Variants in ZBTB20 observed in about 807,000 individuals in gnomAD.
ZBTB20 encodes zinc finger and BTB domain containing 20.
A neutral mutation model predicts 56.9 loss-of-function variants in ZBTB20; 9 were observed. That is an observed-to-expected ratio of 0.16 (90% confidence interval 0.10 to 0.28). ZBTB20 has a LOEUF of 0.28. ZBTB20 is among the 10% of genes least tolerant of loss of function. ZBTB20 has a pLI of 1.00. For missense variants in ZBTB20, 655 were observed against 1,003.0 expected, an observed-to-expected ratio of 0.65 and a Z score of 4.69; for synonymous variants, 417 against 420.7, an observed-to-expected ratio of 0.99 and a Z score of 0.11.
intron 6 of ZBTB20, among the ~76,000 whole-genome samples, chr3:114,577,072 G>C (rs2107441650): frequency 6.6e-6 from 1 of 152,110 alleles, no homozygotes; most frequent in East Asian, 1.9e-4. Flanking sequence ...TTTCCTACTG[G>C]TGTATTTATT....
chr3:114,755,889 C>G (rs551589241), intron 5 of ZBTB20, among the ~76,000 whole-genome samples: 1 of 152,226 alleles, frequency 6.6e-6, no homozygotes, highest in East Asian at 1.9e-4. Context: ...AAATTATTTT[C>G]TTATGCTTAT....
At chr3:114,353,400 A>G (rs1442873791) in intron 10 of ZBTB20, among the ~76,000 whole-genome samples, 1 of 152,192 alleles carries the variant, frequency 6.6e-6, no homozygotes, top group Non-Finnish European at 1.5e-5. Flanking sequence ...TCACCCTCAC[A>G]TGGTATGAGC....
intron 6 of ZBTB20, chr3:114,519,741 A>G (rs1016919088): frequency 2.6e-5 from 4 of 152,240 alleles, no homozygotes; most frequent in Admixed American, 1.3e-4. Flanking sequence ...GTAAGACACG[A>G]GAAAGAAAGT....
intron 7 of ZBTB20, among the ~76,000 whole-genome samples, chr3:114,397,600 A>G (rs2086447539): frequency 6.6e-6 from 1 of 150,866 alleles, no homozygotes; most frequent in Non-Finnish European, 1.5e-5. Flanking sequence ...CCCGCATTCA[A>G]CTCCTGCCCT....
chr3:114,422,018 G>A (rs1467261090), intron 7 of ZBTB20, among the ~76,000 whole-genome samples: 1 of 152,076 alleles, frequency 6.6e-6, no homozygotes, highest in East Asian at 1.9e-4. Flanking sequence ...GTATAGCTCT[G>A]TTCCATGACT....
In ZBTB20 at chr3:114,448,178, G is replaced by A. The variant is rs144906253; in HGVS notation, c.-255+52174C>T. On this transcript the variant is annotated intron_variant, in intron 7 of 11. Coordinates refer to ENST00000675478, the MANE Select transcript of ZBTB20 (RefSeq NM_001348800.3). The stretch of plus-strand genomic sequence containing the variant: ...GGATCAGCTCTTCTGGCCTCTCCCC[G>A]GCTGCACAGTATTGTTGTGGCATTG... 5.9e-3 allele frequency among the ~76,000 whole-genome samples: 892 copies of A among 152,124 alleles called. 14 individuals are homozygous for A. The highest frequency in any genetic ancestry group is 0.02 in the African/African-American group (841 of 41,502).
intron 6 of ZBTB20, among the ~76,000 whole-genome samples, chr3:114,580,226 A>T (rs1040852194): frequency 4.0e-5 from 6 of 151,700 alleles, no homozygotes; most frequent in Non-Finnish European, 7.4e-5. Context: ...TTAATATCTT[A>T]TAAAATATTA....
chr3:114,833,489 A>T (rs2073961123), intron 4 of ZBTB20, among the ~76,000 whole-genome samples: 1 of 152,026 alleles, frequency 6.6e-6, no homozygotes, highest in Non-Finnish European at 1.5e-5. Context: ...CTTATCCCAG[A>T]AACTCTTCCA....
chr3:114,898,993 A>C (rs942152709), intron 4 of ZBTB20, among the ~76,000 whole-genome samples: 10 of 152,126 alleles, frequency 6.6e-5, no homozygotes, highest in African/African-American at 2.4e-4. Flanking sequence ...TAAAATATAC[A>C]ATCTATAATA....
At chr3:114,733,283 A>G (rs74683490) in intron 5 of ZBTB20, among the ~76,000 whole-genome samples, 3,789 of 152,244 alleles carry the variant, frequency 0.025, 69 homozygotes, top group Non-Finnish European at 0.039. Context: ...GACTTTCATA[A>G]CAGGTAGTTC....
Position 114,330,998 on chromosome 3 carries a change from G to A in ZBTB20, c.*8007C>T, listed in dbSNP as rs1418912330. On this transcript the variant is annotated 3_prime_UTR_variant, in exon 12 of 12. Transcript: ENST00000675478. Reference sequence around the variant, plus strand: ...ATGGTAAACAACCCACTCCTGGAAAGACTTTGGCAAAGGCCACATTGGTTT... The same window carrying A: ...ATGGTAAACAACCCACTCCTGGAAAAACTTTGGCAAAGGCCACATTGGTTT... 1 of 152,252 alleles carries A rather than the reference G, an allele frequency of 6.6e-6. No individual in the cohort carries two copies. The highest frequency in any genetic ancestry group is 1.5e-5 in the Non-Finnish European group (1 of 68,066). 9.4% of individuals were successfully genotyped at this position (152,252 alleles called of 1,614,324 possible).
chr3:114,941,102 G>A (rs2076709358), intron 3 of ZBTB20, among the ~76,000 whole-genome samples: 1 of 146,298 alleles, frequency 6.8e-6, no homozygotes, highest in Admixed American at 6.6e-5. Context: ...TTTATCACCT[G>A]GAAAACTAGA....
intron 6 of ZBTB20, among the ~76,000 whole-genome samples, chr3:114,644,343 A>C (rs1380633820): frequency 1.3e-5 from 2 of 152,132 alleles, no homozygotes; most frequent in African/African-American, 4.8e-5. Flanking sequence ...AACTTTAGAG[A>C]GAAGAACAAA....
At chr3:114,379,165 G>T (rs1021797676) in intron 10 of ZBTB20, 1 of 152,120 alleles carries the variant, frequency 6.6e-6, no homozygotes, top group African/African-American at 2.4e-5. Context: ...AACAATAAAA[G>T]ATTTAGAATC....
intron 4 of ZBTB20, among the ~76,000 whole-genome samples, chr3:114,897,667 T>G (rs918787265): frequency 6.6e-6 from 1 of 152,100 alleles, no homozygotes; most frequent in Admixed American, 6.6e-5. Context: ...AACAGAGAGA[T>G]AGAGTTCAAT....
intron 6 of ZBTB20, among the ~76,000 whole-genome samples, chr3:114,578,435 A>C (rs1577711523): frequency 6.6e-6 from 1 of 152,028 alleles, no homozygotes; most frequent in East Asian, 1.9e-4. Flanking sequence ...GAATTTTCCA[A>C]AACTGGAGTC....
chr3:114,813,687 G>A (rs1422395389), intron 4 of ZBTB20, among the ~76,000 whole-genome samples: 1 of 152,174 alleles, frequency 6.6e-6, no homozygotes, highest in African/African-American at 2.4e-5. Context: ...GGAGGCGGAG[G>A]TTGCAGTGAG....
rs1328590840 is a variant in ZBTB20, at chr3:114,671,886, C to G, written c.-295+21642G>C. 2.0e-5 allele frequency among the ~76,000 whole-genome samples: 3 copies of G among 152,078 alleles called. No homozygotes were observed. In the East Asian group the frequency reaches 5.8e-4, roughly 29 times the overall value. On this transcript the variant is annotated intron_variant, in intron 6 of 11. Coordinates refer to ENST00000675478, the MANE Select transcript of ZBTB20 (RefSeq NM_001348800.3). Reference sequence around the variant, plus strand: ...CCTACTGAAAACTGTGCTGAGTTTACACAGAGTGTGGGAATTTTTACCACC... The same window carrying G: ...CCTACTGAAAACTGTGCTGAGTTTAGACAGAGTGTGGGAATTTTTACCACC...
At chr3:114,514,966 A>G (rs1168351402) in intron 6 of ZBTB20, among the ~76,000 whole-genome samples, 2 of 152,110 alleles carry the variant, frequency 1.3e-5, no homozygotes, top group East Asian at 1.9e-4. Context: ...CTACTCTTAC[A>G]TTCTTTTCCT....
Sources: gnomAD v4.1 joint callset for allele counts (sites outside exome capture counted in the v4.1 genomes callset) on GRCh38, gnomAD v4.1.1 for gene constraint, MANE v1.5 for transcripts, NCBI Gene and HGNC (gene_info 2026-07-23, HGNC 2026-07-21) for gene names.